The following CUBN variants were observed in gnomAD, a reference collection of about 807,000 sequenced individuals.
The protein encoded by CUBN is cubilin.
In CUBN, 282 loss-of-function variants were observed where a neutral mutation model predicts 405.3. That is an observed-to-expected ratio of 0.70 (90% CI 0.63 to 0.77). CUBN has a LOEUF of 0.77. Ranked by LOEUF, CUBN falls within the 30% of genes least tolerant of loss-of-function variation. The pLI, the probability that CUBN is intolerant of heterozygous loss-of-function variation, is 0.00. For synonymous variants in CUBN, 1,684 were observed against 1,617.0 expected (o/e 1.04, Z -0.99); for missense variants, 4,514 against 4,475.2 (o/e 1.01, Z -0.25).
Position 16,839,417 on chromosome 10 carries a change from A to T in CUBN, c.10032+913T>A, listed in dbSNP as rs544518674. 5.3e-5 allele frequency among the ~76,000 whole-genome samples: 8 copies of T among 152,268 alleles called. No individual in the cohort carries two copies. In the South Asian group the frequency reaches 1.5e-3, roughly 28 times the overall value. On this transcript the variant is annotated intron_variant, in intron 62 of 66. Transcript: ENST00000377833. ...AAAAGTGGGCGAAGGATATGAACAG[A>T]CACTTCTCAAAAGAAGACATTTATG...
At chr10:17,024,994 C>A (rs189574560) in intron 27 of CUBN, among the ~76,000 whole-genome samples, 97 of 152,244 alleles carry the variant, frequency 6.4e-4, no homozygotes, top group Non-Finnish European at 1.2e-3. Flanking sequence ...GTAGAAAAAG[C>A]AACTCAAGAG....
intron 29 of CUBN, 56 bp downstream of exon 29, chr10:16,990,278 T>C (rs1170830787): frequency 2.6e-6 from 4 of 1,532,688 alleles, no homozygotes; most frequent in Non-Finnish European, 3.6e-6. Flanking sequence ...GGCAGAGTGA[T>C]TTCCTGTTCT....
chr10:16,912,740 G>T (rs570463024), intron 48 of CUBN, among the ~76,000 whole-genome samples: 34 of 152,288 alleles, frequency 2.2e-4, no homozygotes, highest in Non-Finnish European at 3.7e-4. Context: ...GAGCAAAGAA[G>T]AGAGGAGTTT....
At chr10:17,031,469 G>A (rs924853024) in intron 27 of CUBN, among the ~76,000 whole-genome samples, 1 of 152,146 alleles carries the variant, frequency 6.6e-6, no homozygotes, top group Non-Finnish European at 1.5e-5. Context: ...CTTGCCCAAG[G>A]TCACCTAGCT....
rs538624685 is a variant in CUBN at position 16,959,088 on chromosome 10, G to C, written c.4696-4540C>G. On this transcript the variant is annotated intron_variant, in intron 31 of 66. Coordinates refer to ENST00000377833, the MANE Select transcript of CUBN (RefSeq NM_001081.4). The stretch of plus-strand genomic sequence containing the variant: ...AACATTAATCCATTCATGATGGCAA[G>C]GCTTTCAGTACCTGAACACCACCCA... Among the ~76,000 whole-genome samples, 5 of 152,256 alleles carry C rather than the reference G, an allele frequency of 3.3e-5. No homozygotes were observed. In the East Asian group the frequency reaches 9.7e-4, roughly 29 times the overall value.
intron 26 of CUBN, among the ~76,000 whole-genome samples, chr10:17,042,758 A>T (rs373105357): frequency 6.6e-6 from 1 of 152,166 alleles, no homozygotes; most frequent in Non-Finnish European, 1.5e-5. Flanking sequence ...CCCAGATATA[A>T]ATCAATGTGA....
In CUBN at chr10:17,104,598, A is replaced by G; in HGVS notation, c.1238T>C (p.Val413Ala). The G allele has an allele frequency of 6.2e-7, 1 of 1,613,102 alleles. No homozygotes were observed. The highest frequency in any genetic ancestry group is 1.1e-5 in the South Asian group (1 of 90,916). ...GTCACACTTACAAAAATAACCAGAG[A>G]CAGTGTCCTAAGGGGAAAAAAAACA... ...PCLNGQCIDT[V>A]SGYFCKCDSG... The change falls in exon 12 of 67, where the codon GTC becomes GCC. Residue 413 changes from valine to alanine, a missense_variant. Val to Ala is a moderately conservative substitution (Grantham distance 64). Transcript: ENST00000377833.
chr10:17,022,695 C>A (rs1214825256), intron 27 of CUBN, among the ~76,000 whole-genome samples: 1 of 152,174 alleles, frequency 6.6e-6, no homozygotes, highest in Admixed American at 6.5e-5. Flanking sequence ...TAGAGTTTTT[C>A]TTAATTCTAG....
chr10:16,920,227 G>A, intron 43 of CUBN, 90 bp from the exon 44 acceptor site: 1 of 1,283,448 alleles, frequency 7.8e-7, no homozygotes, highest in Non-Finnish European at 1.1e-6. Flanking sequence ...CGACTTCTCT[G>A]TATTTTGTCT....
At chr10:16,885,965 GGTTAATA>G (rs1554788023) in intron 56 of CUBN, among the ~76,000 whole-genome samples, 10 of 152,152 alleles carry the variant, frequency 6.6e-5, no homozygotes, top group Non-Finnish European at 1.5e-4. Flanking sequence ...TTAATGTACT[GGTTAATA>G]GCCTTATAGA....
intron 59 of CUBN, among the ~76,000 whole-genome samples, chr10:16,861,977 C>T (rs1018490998): frequency 6.6e-6 from 1 of 151,968 alleles, no homozygotes; most frequent in Admixed American, 6.6e-5. Context: ...GGTGAAAGCC[C>T]GTCTCCACTA....
At chr10:16,915,289 G>A in intron 46 of CUBN, 117 bp from the exon 47 acceptor site, 2 of 1,201,612 alleles carry the variant, frequency 1.7e-6, no homozygotes, top group South Asian at 1.3e-5. Context: ...TGCCTATGAA[G>A]AAACGTTAAT....
chr10:16,986,755 C>T lies in CUBN; in HGVS notation c.4351-2476G>A, dbSNP rs147510353. On this transcript the variant is annotated intron_variant, in intron 29 of 66. Transcript: ENST00000377833. ...CATTTTCAAGATCTCCCTACCCCCT[C>T]GCCTAGGGCACAGTCCCCACAGCAT... Among the ~76,000 whole-genome samples the T allele has an allele frequency of 2.9e-3, 438 of 152,262 alleles. 1 individual carries two copies. Among genetic ancestry groups the T allele is most frequent in the African/African-American group, 9.9e-3 (411 of 41,558 alleles).
At chr10:17,034,550 G>A (rs1362053219) in intron 27 of CUBN, among the ~76,000 whole-genome samples, 1 of 152,122 alleles carries the variant, frequency 6.6e-6, no homozygotes, top group African/African-American at 2.4e-5. Context: ...GCTGGACCAG[G>A]GGCTTGTGCA....
Position 17,129,261 on chromosome 10 carries a change from C to A in CUBN, c.123-11G>T, listed in dbSNP as rs764788194. The A allele has an allele frequency of 2.5e-6, 4 of 1,613,052 alleles. No homozygotes were observed. The African/African-American group carries it at 5.3e-5, about 22-fold the overall frequency. On this transcript the variant is annotated splice_polypyrimidine_tract_variant and intron_variant, in intron 1 of 66. Coordinates refer to ENST00000377833, the MANE Select transcript of CUBN (RefSeq NM_001081.4). ...GTAGCCATTCGAGGCCTATATAATT[C>A]AAACGAGAGAATGCATCAGTAATTA...
chr10:17,041,182 T>C lies in CUBN; in HGVS notation c.3868A>G (p.Ile1290Val), dbSNP rs751350167. The change falls in exon 27 of 67, where the codon ATC becomes GTC. Residue 1290 changes from isoleucine (I) to valine (V), a missense_variant. Physicochemically the swap from Ile to Val is conservative, Grantham distance 29 (BLOSUM62 3). Around this residue, in one of 5 missense-constraint regions of CUBN, gnomAD observed 242 missense variants for 309.0 expected, o/e 0.78. Coordinates refer to ENST00000377833, the MANE Select transcript of CUBN (RefSeq NM_001081.4). ...TTCGGATACCCTATACTCTCTAAGA[T>C]GCCATAGGTTTGATTGACTATTACC... is the stretch of plus-strand genomic sequence containing the variant. Reference protein sequence around the residue: ...NVVIVNQTYGILESIGYPNPY... With the variant: ...NVVIVNQTYGVLESIGYPNPY... 1.2e-6 allele frequency: 2 copies of C among 1,613,804 alleles called. No homozygotes were observed. Among genetic ancestry groups the C allele is most frequent in the Non-Finnish European group, 1.7e-6 (2 of 1,179,778 alleles).
intron 27 of CUBN, among the ~76,000 whole-genome samples, chr10:17,029,437 G>C (rs1399033978): frequency 6.6e-6 from 1 of 152,194 alleles, no homozygotes; most frequent in East Asian, 1.9e-4. Flanking sequence ...TAAACTCAAC[G>C]ACACTACAAA....
intron 59 of CUBN, among the ~76,000 whole-genome samples, chr10:16,857,879 A>C (rs1051404618): frequency 6.6e-6 from 1 of 152,216 alleles, no homozygotes; most frequent in Admixed American, 6.5e-5. Flanking sequence ...TAAAATTTCC[A>C]CTTTTGCAAG....
At chr10:16,936,055 C>A (rs1042607286) in intron 39 of CUBN, among the ~76,000 whole-genome samples, 2 of 151,926 alleles carry the variant, frequency 1.3e-5, no homozygotes, top group African/African-American at 2.4e-5. Flanking sequence ...CTCTAAAATT[C>A]TCTTGACCCC....
Sources: gnomAD v4.1 joint callset for allele counts (sites outside exome capture counted in the v4.1 genomes callset) on GRCh38, gnomAD v4.1.1 for gene constraint, gnomAD v4.1.1 regional missense constraint, MANE v1.5 for transcripts, NCBI Gene and HGNC (gene_info 2026-07-23, HGNC 2026-07-21) for gene names.